The following NAPG variants were observed in gnomAD, a reference collection of about 807,000 sequenced individuals.
NAPG encodes the protein gamma-soluble NSF attachment protein.
In NAPG, 25 loss-of-function variants were observed where a neutral mutation model predicts 48.4. The ratio of observed to expected loss-of-function variants is 0.52; its 90% CI spans 0.38 to 0.72. The LOEUF is 0.72. Ranked by LOEUF, NAPG falls within the 30% of genes least tolerant of loss-of-function variation. The pLI is 0.00. For synonymous variants in NAPG, 139 were observed against 127.2 expected (o/e 1.09, Z -0.62); for missense variants, 359 against 372.5 (o/e 0.96, Z 0.30).
Position 10,548,960 on chromosome 18 carries a change from A to G in NAPG, c.666-7A>G. On this transcript the variant is annotated splice_polypyrimidine_tract_variant and splice_region_variant and intron_variant, in intron 10 of 11. Coordinates refer to ENST00000322897, the MANE Select transcript of NAPG (RefSeq NM_003826.3). This position sits in a 1 kb window ranked among gnomAD's most constrained non-coding sequence, Gnocchi z 4.4. The stretch of plus-strand genomic sequence containing the variant: ...AGGTGAAGACGTGTGATTTGTGCTT[A>G]CTGCAGCATCCCTGGGTTCAATGGC... The G allele has an allele frequency of 6.2e-7, 1 of 1,612,654 alleles. No individual in the cohort carries two copies. The highest frequency in any genetic ancestry group is 1.1e-5 in the South Asian group (1 of 90,872).
At chr18:10,526,240 G>GTACCCCCC in intron 1 of NAPG, 82 bp downstream of exon 1, 1 of 796,784 alleles carries the variant, frequency 1.3e-6, no homozygotes, top group Non-Finnish European at 2.1e-6. Flanking sequence ...CGGGGGGGGC[G>GTACCCCCC]GGAGGGAGGG....
chr18:10,533,445 G>T, intron 3 of NAPG, 91 bp from the exon 4 acceptor site: 1 of 1,170,650 alleles, frequency 8.5e-7, no homozygotes, highest in Admixed American at 2.7e-5. Context: ...CTGGGTCAGT[G>T]ATTTAGTTAA....
At chr18:10,530,874 A>G in intron 2 of NAPG, 37 bp downstream of exon 2, 1 of 1,439,638 alleles carries the variant, frequency 6.9e-7, no homozygotes, top group Non-Finnish European at 9.3e-7. Flanking sequence ...CCAGTATGTA[A>G]TCTTAAAATA....
Position 10,548,251 on chromosome 18 carries a change from TTTA to T in NAPG, c.586-44_586-42del. On this transcript the variant is annotated intron_variant, in intron 9 of 11. Transcript: ENST00000322897. This position sits in a 1 kb window ranked among gnomAD's most constrained non-coding sequence, Gnocchi z 4.4. ...TTTTCAATACTGCCAGGTTATTGAC[TTTA>T]TTAAACAGATGTAAATTTGACCATG... The T allele has an allele frequency of 7.0e-7, 1 of 1,418,632 alleles. No homozygotes were observed. Among genetic ancestry groups the T allele is most frequent in the Non-Finnish European group, 1.0e-6 (1 of 1,003,990 alleles). 87.9% of individuals were successfully genotyped at this position (1,418,632 alleles called of 1,614,324 possible).
chr18:10,531,097 A>G (rs57402234), intron 2 of NAPG, among the ~76,000 whole-genome samples: 1,979 of 152,176 alleles, frequency 0.013, 39 homozygotes, highest in African/African-American at 0.045. Flanking sequence ...GTGGGTTTTT[A>G]GCGTTGCTTA....
intron 1 of NAPG, among the ~76,000 whole-genome samples, chr18:10,528,726 G>T (rs543180205): frequency 6.6e-6 from 1 of 151,848 alleles, no homozygotes; most frequent in Non-Finnish European, 1.5e-5. Flanking sequence ...CAAGATAGGG[G>T]ATATAGATTA....
Position 10,532,814 on chromosome 18 carries a change from A to G in NAPG, c.209+19A>G. ...ATAGGGCGTATCTTTTTCAACTTTT[A>G]AAAAGAAATTAAACAATTAGATGAT... On this transcript the variant is annotated intron_variant, in intron 3 of 11. Coordinates refer to ENST00000322897, the MANE Select transcript of NAPG (RefSeq NM_003826.3). The G allele has an allele frequency of 6.6e-7, 1 of 1,521,580 alleles. No individual in the cohort carries two copies. The highest frequency in any genetic ancestry group is 8.9e-7 in the Non-Finnish European group (1 of 1,128,658). 94.3% of individuals were successfully genotyped at this position (1,521,580 alleles called of 1,614,324 possible).
At position 10,534,586 on chromosome 18, in the gene NAPG, T is replaced by G. The variant is rs2031995152; in HGVS notation, c.258+90T>G. 7.9e-7 allele frequency: 1 copy of G among 1,259,562 alleles called. No individual in the cohort carries two copies. Among genetic ancestry groups the G allele is most frequent in the Non-Finnish European group, 1.2e-6 (1 of 862,452 alleles). The allele number at this position is 1,259,562 out of a possible 1,614,324, so 78.0% of individuals were successfully genotyped here. On this transcript the variant is annotated intron_variant, in intron 5 of 11. Coordinates refer to ENST00000322897, the MANE Select transcript of NAPG (RefSeq NM_003826.3). The surrounding 1 kb of genome is among the most constrained non-coding windows in gnomAD (Gnocchi z 5.0). ...GAATTTTTGTTGAAGTTGAAAAGCT[T>G]CCTTACTGTAAGGCAAGAGGTGCTA... is the stretch of plus-strand genomic sequence containing the variant.
At position 10,550,121 on chromosome 18, in the gene NAPG, C is replaced by T; in HGVS notation, c.840C>T (p.Ile280=). ...GTTTGGTGGTTCCAGGAGGGGGAAT[C>T]AAGAAGAAATCACCTGCAACACCAC... The part of the protein sequence containing the change: ...GLSLVVPGGG[I]KKKSPATPQA... Residue 280 remains isoleucine (I), a synonymous_variant, in exon 12 of 12, where the codon ATC becomes ATT. Transcript: ENST00000322897. 1 of 1,575,482 alleles carries T rather than the reference C, an allele frequency of 6.3e-7. No homozygotes were observed. The highest frequency in any genetic ancestry group is 8.6e-7 in the Non-Finnish European group (1 of 1,164,270).
rs561619955 is a variant in NAPG at position 10,551,517 on chromosome 18, G to A, written c.*1297G>A. The A allele has an allele frequency of 2.6e-5, 4 of 152,244 alleles. No homozygotes were observed. In the East Asian group the frequency reaches 7.7e-4, roughly 29 times the overall value. 9.4% of individuals were successfully genotyped at this position (152,244 alleles called of 1,614,324 possible). A position where few individuals can be genotyped will look rare whatever the true frequency, so the allele number is the denominator to read the frequency against. ...TTTCGAAACATTCCTTTTTCACCCT[G>A]TTGTGTGGCTTAGACCCATCTCGTA... On this transcript the variant is annotated 3_prime_UTR_variant, in exon 12 of 12. Transcript: ENST00000322897.
chr18:10,533,106 G>C, intron 3 of NAPG: 1 of 296,342 alleles, frequency 3.4e-6, no homozygotes, highest in Non-Finnish European at 6.2e-6. Context: ...AGTAGCACAG[G>C]TATTGAAAAC....
intron 1 of NAPG, 103 bp from the exon 2 acceptor site, chr18:10,530,667 C>CTTT: frequency 2.7e-5 from 13 of 480,516 alleles, no homozygotes; most frequent in Non-Finnish European, 2.9e-5. Flanking sequence ...ATGGTTTCTC[C>CTTT]TTTTTTTTTT....
chr18:10,532,124 A>G lies in NAPG; in HGVS notation c.125-587A>G, dbSNP rs2031939876. 2.6e-5 allele frequency among the ~76,000 whole-genome samples: 4 copies of G among 152,222 alleles called. No individual in the cohort carries two copies. The South Asian group carries it at 8.3e-4, about 31-fold the overall frequency. On this transcript the variant is annotated intron_variant, in intron 2 of 11. Transcript: ENST00000322897. ...TAAGCACTCCTGTTTTGTTTTGATG[A>G]TTACACTTTTAAAACAGCTTTCAGT... is the stretch of plus-strand genomic sequence containing the variant.
intron 1 of NAPG, among the ~76,000 whole-genome samples, chr18:10,528,470 T>C (rs2031864806): frequency 1.3e-5 from 2 of 152,110 alleles, no homozygotes; most frequent in African/African-American, 4.8e-5. Context: ...GGTAATATGC[T>C]CAGGATGTGG....
chr18:10,548,836 A>G lies in NAPG; in HGVS notation c.666-131A>G. 8.6e-7 allele frequency: 1 copy of G among 1,158,162 alleles called. No homozygotes were observed. Among genetic ancestry groups the G allele is most frequent in the Non-Finnish European group, 1.2e-6 (1 of 834,488 alleles). The allele number at this position is 1,158,162 out of a possible 1,614,324, so 71.7% of individuals were successfully genotyped here. ...CCCCGGTCTCTGCCCTCTAGATGCC[A>G]CTAGCATTCCCACACTTTTAAGTAC... is the stretch of plus-strand genomic sequence containing the variant. On this transcript the variant is annotated intron_variant, in intron 10 of 11. Transcript: ENST00000322897. This position sits in a 1 kb window ranked among gnomAD's most constrained non-coding sequence, Gnocchi z 4.4.
chr18:10,549,240 C>A, intron 11 of NAPG, 144 bp downstream of exon 11: 7 of 923,310 alleles, frequency 7.6e-6, no homozygotes, highest in Non-Finnish European at 1.1e-5. Context: ...GGAAACTGAC[C>A]ACTTGCATTG....
rs774248614 is a variant in NAPG at position 10,548,386 on chromosome 18, G to A, written c.665+8G>A. ...TGTCCGGGAGAGCTATAGGTAAGAC[G>A]TTGTCTGGGCCCTCTTGACTTGCAG... On this transcript the variant is annotated splice_region_variant and intron_variant, in intron 10 of 11. Transcript: ENST00000322897. This position sits in a 1 kb window ranked among gnomAD's most constrained non-coding sequence, Gnocchi z 4.4. 12 of 1,609,854 alleles carry A rather than the reference G, an allele frequency of 7.5e-6. No homozygotes were observed. Among genetic ancestry groups the A allele is most frequent in the Middle Eastern group, 1.6e-4 (1 of 6,080 alleles).
intron 11 of NAPG, among the ~76,000 whole-genome samples, chr18:10,549,622 A>G (rs541011542): frequency 6.6e-6 from 1 of 152,336 alleles, no homozygotes; most frequent in East Asian, 1.9e-4. Context: ...AAATATCCTC[A>G]CATGATGTCT....
chr18:10,536,822 A>C (rs558665913), intron 5 of NAPG, among the ~76,000 whole-genome samples: 6 of 152,276 alleles, frequency 3.9e-5, no homozygotes, highest in Admixed American at 2.6e-4. Context: ...TTATATATGT[A>C]ATTAGTGGGT....
Sources: allele counts gnomAD v4.1 joint callset (sites outside exome capture counted in the v4.1 genomes callset), GRCh38; gene constraint gnomAD v4.1.1; non-coding constraint Gnocchi (gnomAD v3.1); transcripts MANE v1.5; gene names NCBI Gene and HGNC (gene_info 2026-07-23, HGNC 2026-07-21).